NDUFB5: variants seen among roughly 807,000 people sequenced by gnomAD.
NDUFB5 encodes NADH dehydrogenase [ubiquinone] 1 beta subcomplex subunit 5, mitochondrial.
Under a neutral mutation model 19.4 loss-of-function variants are expected in NDUFB5, and 19 were observed. The ratio of observed to expected loss-of-function variants is 0.98; its 90% confidence interval spans 0.68 to 1.43. The LOEUF is 1.43. Ranked by LOEUF, NDUFB5 falls within the 40% of genes most tolerant of loss-of-function variation. The pLI is 0.00. For missense variants in NDUFB5, 233 were observed against 236.5 expected (o/e 0.99, Z 0.10); for synonymous variants, 80 against 82.6 (o/e 0.97, Z 0.17).
chr3:179,615,950 TG>T, intron 2 of NDUFB5, 32 bp from the exon 3 acceptor site: 1 of 1,496,196 alleles, frequency 6.7e-7, no homozygotes, highest in South Asian at 1.1e-5. Flanking sequence ...AGTTACGAAA[TG>T]GTCATGAGAA....
At chr3:179,607,684 A>G (rs1244423851) in intron 1 of NDUFB5, 1 of 692,528 alleles carries the variant, frequency 1.4e-6, no homozygotes, top group Non-Finnish European at 2.6e-6. Flanking sequence ...ATCCAACTCC[A>G]GAACTTTTTT....
At chr3:179,607,988 TTTTGTTTGTTTG>T (rs546910455) in intron 1 of NDUFB5, among the ~76,000 whole-genome samples, 1 of 151,980 alleles carries the variant, frequency 6.6e-6, no homozygotes, top group African/African-American at 2.4e-5. Context: ...TGCATCTAGG[TTTTGTTTGTTTG>T]TTTGTTTGTT....
At chr3:179,617,293 A>C in intron 4 of NDUFB5, 1 of 252,596 alleles carries the variant, frequency 4.0e-6, no homozygotes, top group Non-Finnish European at 7.5e-6. Flanking sequence ...GTGTGCTGCC[A>C]CTCCTGGCTA....
At chr3:179,605,950 C>T (rs1719083921) in intron 1 of NDUFB5, among the ~76,000 whole-genome samples, 1 of 152,152 alleles carries the variant, frequency 6.6e-6, no homozygotes, top group South Asian at 2.1e-4. Flanking sequence ...CACCACCACG[C>T]CTGGCTAATT....
At chr3:179,609,222 A>T (rs1274678661) in intron 1 of NDUFB5, among the ~76,000 whole-genome samples, 1 of 152,218 alleles carries the variant, frequency 6.6e-6, no homozygotes. Context: ...TTATGGGTAT[A>T]TCTGCAGAAG....
intron 1 of NDUFB5, among the ~76,000 whole-genome samples, chr3:179,611,287 C>T (rs545925993): frequency 2.8e-4 from 43 of 152,198 alleles, no homozygotes; most frequent in African/African-American, 9.6e-4. Context: ...ATCAAGAGGC[C>T]TTGGCAAATG....
chr3:179,616,314 G>C (rs573832729), intron 3 of NDUFB5, among the ~76,000 whole-genome samples: 2 of 152,034 alleles, frequency 1.3e-5, no homozygotes, highest in Non-Finnish European at 2.9e-5. Flanking sequence ...AGGCCGAGGC[G>C]GGCAGATCAT....
intron 5 of NDUFB5, among the ~76,000 whole-genome samples, chr3:179,619,067 T>G (rs1719457841): frequency 1.3e-5 from 2 of 152,070 alleles, no homozygotes; most frequent in Non-Finnish European, 2.9e-5. Context: ...ATGTGGCCAT[T>G]AAAAAGAAAG....
chr3:179,614,846 C>A, intron 1 of NDUFB5, 125 bp from the exon 2 acceptor site: 1 of 593,032 alleles, frequency 1.7e-6, no homozygotes, highest in Non-Finnish European at 2.7e-6. Flanking sequence ...AGTGTGAAAA[C>A]CCAGTCATCC....
chr3:179,620,462 C>T lies in NDUFB5; in HGVS notation c.449+1941C>T, dbSNP rs561564523. ...CATTTATTAAATAGGGAATCCTTTC[C>T]CCATTTCTTGTTTTCGTCAAGTTTG... On this transcript the variant is annotated intron_variant, in intron 5 of 5. Coordinates refer to ENST00000259037, the MANE Select transcript of NDUFB5 (RefSeq NM_002492.4). Among the ~76,000 whole-genome samples the T allele has an allele frequency of 3.0e-4, 45 of 151,942 alleles. 1 individual carries two copies. In the Middle Eastern group the frequency reaches 0.01, roughly 35 times the overall value.
intron 1 of NDUFB5, among the ~76,000 whole-genome samples, chr3:179,610,796 C>T (rs1384290680): frequency 6.6e-6 from 1 of 152,074 alleles, no homozygotes; most frequent in Non-Finnish European, 1.5e-5. Flanking sequence ...TAAGTTCTCC[C>T]CTCAGCTGCA....
intron 3 of NDUFB5, among the ~76,000 whole-genome samples, chr3:179,616,251 T>C (rs1467091404): frequency 2.0e-5 from 3 of 152,130 alleles, no homozygotes; most frequent in Non-Finnish European, 4.4e-5. Context: ...CATATAAAAC[T>C]ATAATCCTCG....
intron 1 of NDUFB5, among the ~76,000 whole-genome samples, chr3:179,609,948 A>G (rs1458603498): frequency 2.6e-5 from 4 of 151,992 alleles, no homozygotes; most frequent in Non-Finnish European, 4.4e-5. Flanking sequence ...TTATTATATT[A>G]TTATTTTTTA....
intron 5 of NDUFB5, among the ~76,000 whole-genome samples, chr3:179,621,239 A>G (rs1719526148): frequency 1.3e-5 from 2 of 151,976 alleles, no homozygotes; most frequent in African/African-American, 4.8e-5. Flanking sequence ...CACCATGCCC[A>G]GTTAATTTTT....
intron 1 of NDUFB5, among the ~76,000 whole-genome samples, chr3:179,611,807 G>A (rs7630170): frequency 0.44 from 67,069 of 151,814 alleles, 16,894 homozygotes; most frequent in East Asian, 0.64. Context: ...CTGAGGCTAC[G>A]TGCATTTTTA....
At chr3:179,618,251 G>A (rs1436563013) in intron 4 of NDUFB5, 164 bp from the exon 5 acceptor site, 3 of 492,482 alleles carry the variant, frequency 6.1e-6, no homozygotes, top group Non-Finnish European at 1.1e-5. Flanking sequence ...GACAAAAATA[G>A]TATCCACCTC....
At position 179,604,841 on chromosome 3, in the gene NDUFB5, G is replaced by C. The variant is rs746538704; in HGVS notation, c.26G>C (p.Arg9Pro). ...ATGGCGGCCATGAGTTTGTTGCGGC[G>C]GGTTTCGGTTACTGCGGTGGCAGCT... MAAMSLLR[R>P]VSVTAVAALS... The change falls in exon 1 of 6, where the codon CGG becomes CCG. Residue 9 changes from arginine to proline, a missense_variant. By Grantham distance (103) the Arg-to-Pro change is moderately radical (BLOSUM62 -2). Coordinates refer to ENST00000259037, the MANE Select transcript of NDUFB5 (RefSeq NM_002492.4). 1.9e-6 allele frequency: 3 copies of C among 1,605,680 alleles called. No individual in the cohort carries two copies. The highest frequency in any genetic ancestry group is 2.5e-6 in the Non-Finnish European group (3 of 1,177,968).
At chr3:179,610,012 C>G (rs1719199264) in intron 1 of NDUFB5, among the ~76,000 whole-genome samples, 1 of 152,170 alleles carries the variant, frequency 6.6e-6, no homozygotes, top group Non-Finnish European at 1.5e-5. Context: ...AACGCCTGGA[C>G]TCAAGCAATC....
intron 1 of NDUFB5, among the ~76,000 whole-genome samples, chr3:179,610,553 T>A (rs560176870): frequency 2.0e-5 from 3 of 152,344 alleles, no homozygotes; most frequent in Non-Finnish European, 4.4e-5. Flanking sequence ...CACAAAATTT[T>A]AAAATTTTCA....
Sources: allele counts gnomAD v4.1 joint callset (sites outside exome capture counted in the v4.1 genomes callset), GRCh38; gene constraint gnomAD v4.1.1; transcripts MANE v1.5; gene names NCBI Gene and HGNC (gene_info 2026-07-23, HGNC 2026-07-21).